The following CAPRIN2 variants were observed in gnomAD, a reference collection of about 807,000 sequenced individuals.
CAPRIN2 encodes caprin family member 2.
Under a neutral mutation model 130.4 loss-of-function variants are expected in CAPRIN2, and 66 were observed. The ratio of observed to expected loss-of-function variants is 0.51; its 90% confidence interval spans 0.42 to 0.62. The LOEUF (loss-of-function observed/expected upper bound fraction) is 0.62, where lower values mean the gene tolerates loss of function less well. Among genes scored for constraint, CAPRIN2 ranks in the 20% least tolerant of loss-of-function variants. The pLI, the probability that CAPRIN2 is intolerant of heterozygous loss-of-function variation, is 0.00. For synonymous variants in CAPRIN2, 471 were observed against 444.1 expected, an observed-to-expected ratio of 1.06 and a Z score of -0.76; for missense variants, 1,185 against 1,246.6, an observed-to-expected ratio of 0.95 and a Z score of 0.74.
At chr12:30,746,371 TGAGA>T (rs1211505303) in intron 2 of CAPRIN2, among the ~76,000 whole-genome samples, 1 of 152,080 alleles carries the variant, frequency 6.6e-6, no homozygotes, top group South Asian at 2.1e-4. Flanking sequence ...TCCAGCCTGG[TGAGA>T]GAGAGACCCT....
intron 1 of CAPRIN2, 63 bp from the exon 3 acceptor site, chr12:30,751,196 A>T: frequency 7.8e-7 from 1 of 1,287,560 alleles, no homozygotes; most frequent in Non-Finnish European, 1.1e-6. Context: ...AATAAAGTAA[A>T]TGCCAGATCT....
At chr12:30,722,946 C>A (rs1024235975) in intron 11 of CAPRIN2, among the ~76,000 whole-genome samples, 2 of 152,074 alleles carry the variant, frequency 1.3e-5, no homozygotes, top group Admixed American at 1.3e-4. Context: ...TCTTCAGACA[C>A]TTTACTATGT....
chr12:30,715,110 T>C, exon 14 of CAPRIN2: 1 of 1,614,080 alleles, frequency 6.2e-7, no homozygotes, highest in Non-Finnish European at 8.5e-7. Context: ...TACCATTGCT[T>C]ACTTGAATAG....
At position 30,742,458 on chromosome 12, in the gene CAPRIN2, C is replaced by T. The variant is rs565686342; in HGVS notation, c.484-1352G>A. 2.6e-5 allele frequency among the ~76,000 whole-genome samples: 4 copies of T among 152,018 alleles called. No homozygotes were observed. In the South Asian group the frequency reaches 8.3e-4, roughly 32 times the overall value. The stretch of plus-strand genomic sequence containing the variant: ...AAATCTTACTCCTGATTCTCAGTAA[C>T]ACCTAAAAGATTCCTCAAAGTAAAA... On this transcript the variant is annotated intron_variant, in intron 2 of 16. Coordinates refer to ENST00000298892, the Ensembl canonical transcript of CAPRIN2.
exon 1 of CAPRIN2, chr12:30,753,971 T>C: frequency 1.8e-6 from 1 of 548,844 alleles, no homozygotes; most frequent in Non-Finnish European, 3.2e-6. Flanking sequence ...AAGAATAAGC[T>C]TTCCACACCG....
intron 2 of CAPRIN2, among the ~76,000 whole-genome samples, chr12:30,744,978 G>A (rs990208445): frequency 2.0e-5 from 3 of 152,182 alleles, no homozygotes; most frequent in Admixed American, 2.0e-4. Context: ...ACGGACAAGA[G>A]GACTGGTGAA....
chr12:30,730,676 G>A (rs1381195473), intron 6 of CAPRIN2, among the ~76,000 whole-genome samples: 1 of 152,072 alleles, frequency 6.6e-6, no homozygotes, highest in African/African-American at 2.4e-5. Context: ...TTACAAGCCA[G>A]TTTAAGGTTA....
exon 6 of CAPRIN2, chr12:30,731,359 T>C (rs775245692): frequency 6.2e-7 from 1 of 1,612,518 alleles, no homozygotes; most frequent in Non-Finnish European, 8.5e-7. Flanking sequence ...CTTTGACAGA[T>C]TCAGTCTTCG....
intron 2 of CAPRIN2, among the ~76,000 whole-genome samples, chr12:30,742,614 C>T (rs906239446): frequency 1.3e-5 from 2 of 149,900 alleles, no homozygotes; most frequent in African/African-American, 4.9e-5. Context: ...GTGAAAAAAG[C>T]AAACTGCAGA....
At chr12:30,737,102 T>C (rs772533347) in intron 3 of CAPRIN2, among the ~76,000 whole-genome samples, 62 of 152,192 alleles carry the variant, frequency 4.1e-4, no homozygotes, top group Non-Finnish European at 8.4e-4. Flanking sequence ...CCTCTTGAGC[T>C]CAAGTGATCC....
intron 14 of CAPRIN2, 65 bp downstream of exon 16, chr12:30,714,894 G>A (rs2056908506): frequency 7.6e-7 from 1 of 1,313,702 alleles, no homozygotes; most frequent in African/African-American, 1.5e-5. Flanking sequence ...AGGTAAAAAT[G>A]GTGTGAGTCA....
rs778466043 is a variant in CAPRIN2 at position 30,728,715 on chromosome 12, A to G, written c.1715T>C (p.Val572Ala). Residue 572 changes from valine to alanine, a missense_variant, in exon 8 of 17, where the codon GTA becomes GCA. Coordinates refer to ENST00000298892, the Ensembl canonical transcript of CAPRIN2. Reference sequence around the variant, plus strand: ...ATTTGGTATGAGGCTTGCTGTAGCTACTCCCCAGGACTTTGGAGAAATCTG... The same window carrying G: ...ATTTGGTATGAGGCTTGCTGTAGCTGCTCCCCAGGACTTTGGAGAAATCTG... The G allele has an allele frequency of 2.2e-5, 35 of 1,613,778 alleles. No homozygotes were observed. Among genetic ancestry groups the G allele is most frequent in the Non-Finnish European group, 3.0e-5 (35 of 1,179,976 alleles).
In CAPRIN2 at chr12:30,710,154, A is replaced by C. The variant is rs1446242687; in HGVS notation, c.2982T>G (p.Thr994=). The C allele has an allele frequency of 1.2e-6, 2 of 1,614,032 alleles. No homozygotes were observed. The highest frequency in any genetic ancestry group is 2.7e-5 in the African/African-American group (2 of 74,910). Residue 994 remains threonine (T), a synonymous_variant, in exon 17 of 17, where the codon ACT becomes ACG. Transcript: ENST00000298892. The surrounding 1 kb of genome is among the most constrained non-coding windows in gnomAD (Gnocchi z 4.8). ...TTAGCATGTGAAAAATGAAAACGTA[A>C]GTGCCATTCACTGGGCAATTAAATC...
At chr12:30,744,924 T>C (rs2069258521) in intron 2 of CAPRIN2, among the ~76,000 whole-genome samples, 1 of 152,166 alleles carries the variant, frequency 6.6e-6, no homozygotes, top group Admixed American at 6.5e-5. Flanking sequence ...TTAAAGCTTT[T>C]GAAAGAAATC....
intron 2 of CAPRIN2, among the ~76,000 whole-genome samples, chr12:30,742,411 G>A (rs12321584): frequency 0.016 from 2,379 of 151,946 alleles, 59 homozygotes; most frequent in African/African-American, 0.054. Flanking sequence ...ACAGCCTAAT[G>A]ATAGATATGT....
chr12:30,739,202 A>G (rs1424171157), intron 3 of CAPRIN2, among the ~76,000 whole-genome samples: 1 of 152,228 alleles, frequency 6.6e-6, no homozygotes, highest in African/African-American at 2.4e-5. Context: ...GTACATATAT[A>G]TCATGGAATA....
intron 2 of CAPRIN2, among the ~76,000 whole-genome samples, chr12:30,747,766 T>C (rs879283462): frequency 5.3e-5 from 8 of 152,272 alleles, no homozygotes; most frequent in Non-Finnish European, 1.0e-4. Flanking sequence ...CAAAGTAAAT[T>C]GAAAAGTTTC....
In CAPRIN2 at chr12:30,722,142, T is replaced by C. The variant is rs550233852; in HGVS notation, c.2043+1117A>G. 3.9e-5 allele frequency among the ~76,000 whole-genome samples: 6 copies of C among 152,328 alleles called. No individual in the cohort carries two copies. The East Asian group carries it at 9.6e-4, about 24-fold the overall frequency. On this transcript the variant is annotated intron_variant, in intron 11 of 16. Coordinates refer to ENST00000298892, the Ensembl canonical transcript of CAPRIN2. ...CTTCAATTTCAGTTAAAAGGTTCAT[T>C]TAATAACAAAGACATTTACATTAGT...
chr12:30,718,654 TA>T (rs146462625), intron 12 of CAPRIN2, among the ~76,000 whole-genome samples: 2,658 of 152,262 alleles, frequency 0.017, 62 homozygotes, highest in African/African-American at 0.061. Flanking sequence ...CAGGATAAAA[TA>T]AAATGAAAGT....
Sources: allele counts gnomAD v4.1 joint callset (sites outside exome capture counted in the v4.1 genomes callset), GRCh38; gene constraint gnomAD v4.1.1; non-coding constraint Gnocchi (gnomAD v3.1); transcripts MANE v1.5; gene names NCBI Gene and HGNC (gene_info 2026-07-23, HGNC 2026-07-21).